PPFIA2: variants seen among roughly 807,000 people sequenced by gnomAD.
The protein encoded by PPFIA2 is liprin-alpha-2.
Under a neutral mutation model 175.5 loss-of-function variants are expected in PPFIA2, and 46 were observed. The ratio of observed to expected loss-of-function variants is 0.26; its 90% CI spans 0.21 to 0.34. PPFIA2 has a LOEUF of 0.34. PPFIA2 is among the 10% of genes least tolerant of loss of function. The pLI is 1.00. For synonymous variants in PPFIA2, 568 were observed against 511.4 expected (o/e 1.11, Z -1.49); for missense variants, 1,179 against 1,506.1 (o/e 0.78, Z 3.60).
chr12:81,372,253 A>C (rs901473213), intron 11 of PPFIA2, among the ~76,000 whole-genome samples: 2 of 151,632 alleles, frequency 1.3e-5, no homozygotes, highest in African/African-American at 2.4e-5. Context: ...GAATAACCTC[A>C]GAAAGGGAGA....
At chr12:81,406,423 G>T (rs912106586) in intron 7 of PPFIA2, among the ~76,000 whole-genome samples, 1 of 151,984 alleles carries the variant, frequency 6.6e-6, no homozygotes, top group Non-Finnish European at 1.5e-5. Context: ...ATGCTGTCAT[G>T]AGCATGTATT....
At chr12:81,318,852 C>T (rs2053016015) in intron 22 of PPFIA2, among the ~76,000 whole-genome samples, 1 of 151,650 alleles carries the variant, frequency 6.6e-6, no homozygotes, top group African/African-American at 2.4e-5. Flanking sequence ...ATGTCCATCT[C>T]TCTACAAGCT....
chr12:81,672,373 C>T (rs941797172), intron 4 of PPFIA2, among the ~76,000 whole-genome samples: 1 of 151,858 alleles, frequency 6.6e-6, no homozygotes, highest in Non-Finnish European at 1.5e-5. Context: ...AAACAGCACA[C>T]TCAGAAAATT....
intron 7 of PPFIA2, among the ~76,000 whole-genome samples, chr12:81,417,967 A>G (rs998480854): frequency 2.6e-5 from 4 of 151,976 alleles, no homozygotes; most frequent in African/African-American, 7.2e-5. Context: ...GACCACAATG[A>G]CATTACCAAA....
chr12:81,375,099 G>T (rs548042859), intron 10 of PPFIA2, among the ~76,000 whole-genome samples: 2 of 152,166 alleles, frequency 1.3e-5, no homozygotes, highest in South Asian at 4.1e-4. Context: ...GAAAATCATG[G>T]TATTTAGACT....
chr12:81,584,775 GAAT>G (rs1368425327), intron 4 of PPFIA2, among the ~76,000 whole-genome samples: 2 of 131,390 alleles, frequency 1.5e-5, no homozygotes, highest in South Asian at 2.3e-4. Context: ...TAGCATAAAA[GAAT>G]AAAAAGCATT....
chr12:81,706,737 A>G (rs1338051987), intron 3 of PPFIA2, among the ~76,000 whole-genome samples: 1 of 152,188 alleles, frequency 6.6e-6, no homozygotes, highest in Non-Finnish European at 1.5e-5. Flanking sequence ...CTAAGCCAAA[A>G]GAACAAAGCT....
chr12:81,434,454 T>A (rs1422526926), intron 7 of PPFIA2, among the ~76,000 whole-genome samples: 1 of 152,156 alleles, frequency 6.6e-6, no homozygotes, highest in East Asian at 1.9e-4. Flanking sequence ...CAGGTGAGAA[T>A]GCATGAAGAC....
intron 4 of PPFIA2, among the ~76,000 whole-genome samples, chr12:81,459,393 G>GA (rs1316015628): frequency 4.6e-5 from 7 of 151,916 alleles, no homozygotes; most frequent in Admixed American, 3.3e-4. Flanking sequence ...TAGGCATTCA[G>GA]AAAAAATCTT....
intron 3 of PPFIA2, among the ~76,000 whole-genome samples, chr12:81,735,800 TG>T (rs2081498447): frequency 6.6e-6 from 1 of 151,852 alleles, no homozygotes; most frequent in Non-Finnish European, 1.5e-5. Context: ...TTTGTGCATT[TG>T]AATAGCCAAT....
chr12:81,436,437 A>T (rs2049056506), intron 7 of PPFIA2, among the ~76,000 whole-genome samples: 1 of 151,476 alleles, frequency 6.6e-6, no homozygotes, highest in Non-Finnish European at 1.5e-5. Context: ...TAATTTTTTA[A>T]ACTTTTTCAT....
chr12:81,525,997 C>T lies in PPFIA2; in HGVS notation c.304-68131G>A, dbSNP rs113692568. Among the ~76,000 whole-genome samples the T allele has an allele frequency of 3.7e-3, 558 of 152,160 alleles. 3 individuals are homozygous for T. Among genetic ancestry groups the T allele is most frequent in the African/African-American group, 0.013 (521 of 41,530 alleles). On this transcript the variant is annotated intron_variant, in intron 4 of 32. Transcript: ENST00000549396. ...AAAAAAAAATATAAAATTAGAAAATCAAAAACTCCTTATTAAAAATCCAGG... is the reference window on the plus strand; with the variant it reads ...AAAAAAAAATATAAAATTAGAAAATTAAAAACTCCTTATTAAAAATCCAGG...
chr12:81,479,540 T>A (rs921282132), intron 4 of PPFIA2, among the ~76,000 whole-genome samples: 2 of 152,176 alleles, frequency 1.3e-5, no homozygotes, highest in African/African-American at 4.8e-5. Context: ...TACAATTTGG[T>A]ATGTTTTTGC....
intron 4 of PPFIA2, among the ~76,000 whole-genome samples, chr12:81,538,741 A>C (rs1277110071): frequency 1.3e-5 from 2 of 151,882 alleles, no homozygotes; most frequent in Non-Finnish European, 2.9e-5. Flanking sequence ...GACAACATGG[A>C]GTGAACTAGG....
chr12:81,652,300 T>C (rs1472674414), intron 4 of PPFIA2, among the ~76,000 whole-genome samples: 1 of 150,322 alleles, frequency 6.7e-6, no homozygotes. Context: ...CATGAAGCTA[T>C]AAAAAGCAGT....
intron 3 of PPFIA2, among the ~76,000 whole-genome samples, chr12:81,692,004 A>G (rs1006844482): frequency 1.3e-5 from 2 of 151,616 alleles, no homozygotes; most frequent in African/African-American, 4.8e-5. Flanking sequence ...AATATGGTTA[A>G]GTGTTGGGAT....
At chr12:81,624,510 T>C (rs1413008089) in intron 4 of PPFIA2, among the ~76,000 whole-genome samples, 1 of 146,946 alleles carries the variant, frequency 6.8e-6, no homozygotes, top group Non-Finnish European at 1.5e-5. Context: ...TATATTATTA[T>C]ATGTATAATA....
At chr12:81,575,021 C>T (rs1003028170) in intron 4 of PPFIA2, among the ~76,000 whole-genome samples, 1 of 151,876 alleles carries the variant, frequency 6.6e-6, no homozygotes, top group African/African-American at 2.4e-5. Flanking sequence ...CACACACTCA[C>T]ACCTCTGCAA....
chr12:81,449,823 T>C (rs2052128037), intron 5 of PPFIA2, among the ~76,000 whole-genome samples: 1 of 133,584 alleles, frequency 7.5e-6, no homozygotes, highest in African/African-American at 2.8e-5. Context: ...TGGTGTGTGA[T>C]GTTCCCCTTC....
Sources: gnomAD v4.1 joint callset for allele counts (sites outside exome capture counted in the v4.1 genomes callset) on GRCh38, gnomAD v4.1.1 for gene constraint, MANE v1.5 for transcripts, NCBI Gene and HGNC (gene_info 2026-07-23, HGNC 2026-07-21) for gene names.